Variants in TTLL7 observed in about 807,000 individuals in gnomAD.
TTLL7 encodes tubulin polyglutamylase TTLL7.
A neutral mutation model predicts 120.2 loss-of-function variants in TTLL7; 53 were observed. The ratio of observed to expected loss-of-function variants is 0.44; its 90% CI spans 0.35 to 0.55. The LOEUF (loss-of-function observed/expected upper bound fraction) is 0.55. Among genes scored for constraint, TTLL7 ranks in the 20% least tolerant of loss-of-function variants. The probability of loss-of-function intolerance (pLI) is 0.00; values close to 1 mark genes in which losing one functional copy is unlikely to be tolerated. For synonymous variants in TTLL7, 353 were observed against 351.7 expected (o/e 1.00, Z -0.04); for missense variants, 803 against 1,054.7 (o/e 0.76, Z 3.31).
At chr1:83,940,206 T>G (rs1647820110) in intron 7 of TTLL7, among the ~76,000 whole-genome samples, 1 of 152,158 alleles carries the variant, frequency 6.6e-6, no homozygotes. Flanking sequence ...AAGATAATTA[T>G]ATACACATAG....
intron 14 of TTLL7, 143 bp downstream of exon 14, chr1:83,917,461 T>C: frequency 1.7e-6 from 1 of 582,424 alleles, no homozygotes; most frequent in Non-Finnish European, 3.0e-6. Flanking sequence ...TAAGGTATCA[T>C]CATCTTCCAA....
chr1:83,882,111 A>T (rs1225131478), intron 20 of TTLL7, among the ~76,000 whole-genome samples: 1 of 118,656 alleles, frequency 8.4e-6, no homozygotes, highest in Admixed American at 9.3e-5. Flanking sequence ...GGGGGGAGGG[A>T]TAGCATTAGG....
chr1:83,884,505 A>G (rs1218992278), intron 19 of TTLL7, among the ~76,000 whole-genome samples: 1 of 151,916 alleles, frequency 6.6e-6, no homozygotes, highest in African/African-American at 2.4e-5. Flanking sequence ...CATGCCATCA[A>G]TGAATGACAG....
intron 10 of TTLL7, among the ~76,000 whole-genome samples, chr1:83,922,964 T>C (rs1215822231): frequency 6.6e-6 from 1 of 150,596 alleles, no homozygotes; most frequent in African/African-American, 2.5e-5. Flanking sequence ...AGAATGGATA[T>C]GCTCTGGTGA....
At chr1:83,943,812 G>A (rs1648216598) in intron 6 of TTLL7, among the ~76,000 whole-genome samples, 1 of 152,170 alleles carries the variant, frequency 6.6e-6, no homozygotes, top group Admixed American at 6.5e-5. Flanking sequence ...CAGTTGCGAG[G>A]AAGCCCAGAC....
At chr1:83,929,683 C>T (rs1020056097) in intron 9 of TTLL7, among the ~76,000 whole-genome samples, 2 of 151,982 alleles carry the variant, frequency 1.3e-5, no homozygotes, top group African/African-American at 4.8e-5. Flanking sequence ...ATCAGTGCTC[C>T]CTTTTCACTG....
At chr1:83,888,199 A>G (rs1280458434) in intron 19 of TTLL7, among the ~76,000 whole-genome samples, 1 of 151,988 alleles carries the variant, frequency 6.6e-6, no homozygotes, top group Non-Finnish European at 1.5e-5. Context: ...CATGGTAGAG[A>G]GTATCTGGGA....
chr1:83,932,319 T>C (rs889989271), intron 9 of TTLL7, among the ~76,000 whole-genome samples: 8 of 152,170 alleles, frequency 5.3e-5, no homozygotes, highest in Non-Finnish European at 8.8e-5. Context: ...AAAGGACTGC[T>C]GCAGAAAAAG....
chr1:83,939,036 C>T (rs1046083244), intron 7 of TTLL7, among the ~76,000 whole-genome samples: 1 of 152,016 alleles, frequency 6.6e-6, no homozygotes, highest in African/African-American at 2.4e-5. Flanking sequence ...ATGTGCCTAC[C>T]ACTGATTAAG....
Position 83,926,713 on chromosome 1 carries a change from G to A in TTLL7, c.1142+2423C>T, listed in dbSNP as rs371287060. On this transcript the variant is annotated intron_variant, in intron 10 of 20. Transcript: ENST00000260505. ...CATGCTGCAAGCCTGTAGCCCATGA[G>A]TTAGTTGTAAATAAGGGACAGACAG... 4.3e-4 allele frequency among the ~76,000 whole-genome samples: 66 copies of A among 152,304 alleles called. 1 individual carries two copies. In the South Asian group the frequency reaches 0.013, roughly 30 times the overall value.
chr1:83,915,024 G>A (rs1393862932), intron 14 of TTLL7, among the ~76,000 whole-genome samples: 1 of 152,148 alleles, frequency 6.6e-6, no homozygotes, highest in African/African-American at 2.4e-5. Context: ...GTTATTTATG[G>A]AACAGCAGGA....
At chr1:83,906,589 G>A in intron 16 of TTLL7, 126 bp from the exon 17 acceptor site, 2 of 1,412,684 alleles carry the variant, frequency 1.4e-6, no homozygotes, top group South Asian at 1.3e-5. Flanking sequence ...GAAAAAGGAA[G>A]AAAATTTTCT....
intron 16 of TTLL7, 62 bp downstream of exon 16, chr1:83,907,394 G>A: frequency 1.4e-6 from 2 of 1,445,926 alleles, no homozygotes; most frequent in Non-Finnish European, 1.9e-6. Flanking sequence ...CCTCTCATCT[G>A]ATCCCCTTTG....
intron 18 of TTLL7, among the ~76,000 whole-genome samples, chr1:83,892,636 GAACA>G (rs1655741550): frequency 6.8e-6 from 1 of 146,500 alleles, no homozygotes; most frequent in Non-Finnish European, 1.5e-5. Flanking sequence ...ACATATGAAT[GAACA>G]TATATATGAA....
intron 1 of TTLL7, among the ~76,000 whole-genome samples, chr1:83,978,550 C>G (rs942846464): frequency 2.6e-5 from 4 of 152,126 alleles, no homozygotes; most frequent in Non-Finnish European, 5.9e-5. Flanking sequence ...CTATGAAAAA[C>G]TACAAATCTC....
chr1:83,940,929 G>A (rs116098701), intron 7 of TTLL7, among the ~76,000 whole-genome samples: 1 of 151,900 alleles, frequency 6.6e-6, no homozygotes, highest in Non-Finnish European at 1.5e-5. Context: ...CCTAGACAAG[G>A]CCTACAAAGC....
chr1:83,999,063 C>A lies in TTLL7; in HGVS notation c.-309G>T, dbSNP rs1329842977. On this transcript the variant is annotated 5_prime_UTR_variant, in exon 1 of 21. Transcript: ENST00000260505. ...GCCTGCACTGGTGGTCCGGTGCTCT[C>A]CTCCGCCCGCCCACCGCCCGTGGCA... 4.5e-6 allele frequency: 2 copies of A among 446,260 alleles called. No individual in the cohort carries two copies. The highest frequency in any genetic ancestry group is 8.9e-6 in the Non-Finnish European group (2 of 224,278). The allele number at this position is 446,260 out of a possible 1,614,324, so 27.6% of individuals were successfully genotyped here. A position where few individuals can be genotyped will look rare whatever the true frequency, so the allele number is the denominator to read the frequency against.
intron 20 of TTLL7, among the ~76,000 whole-genome samples, chr1:83,872,034 T>G (rs1344178792): frequency 6.6e-6 from 1 of 152,134 alleles, no homozygotes; most frequent in African/African-American, 2.4e-5. Context: ...ACTATGATAA[T>G]TCTATGTCAA....
At chr1:83,994,565 G>A (rs1456011515) in intron 1 of TTLL7, among the ~76,000 whole-genome samples, 4 of 152,204 alleles carry the variant, frequency 2.6e-5, no homozygotes, top group African/African-American at 9.7e-5. Flanking sequence ...AGGATACTGG[G>A]AACAAGGGGA....
Sources: gnomAD v4.1 joint callset for allele counts (sites outside exome capture counted in the v4.1 genomes callset) on GRCh38, gnomAD v4.1.1 for gene constraint, MANE v1.5 for transcripts, NCBI Gene and HGNC (gene_info 2026-07-23, HGNC 2026-07-21) for gene names.